Variants in NSMF observed in about 807,000 individuals in gnomAD.
NSMF encodes the protein NMDA receptor synaptonuclear signaling and neuronal migration factor.
Under a neutral mutation model 71.0 loss-of-function variants are expected in NSMF, and 31 were observed. That is an observed-to-expected ratio of 0.44 (90% CI 0.33 to 0.59). The LOEUF is 0.59. Among genes scored for constraint, NSMF ranks in the 20% least tolerant of loss-of-function variants. NSMF has a pLI of 0.04. For synonymous variants in NSMF, 345 were observed against 287.1 expected (o/e 1.20, Z -2.04); for missense variants, 673 against 740.5 (o/e 0.91, Z 1.06).
Position 137,453,042 on chromosome 9 carries a change from G to C in NSMF, c.1047+14C>G, listed in dbSNP as rs375454156. 34 of 1,611,882 alleles carry C rather than the reference G, an allele frequency of 2.1e-5. No individual in the cohort carries two copies. Among genetic ancestry groups the C allele is most frequent in the Non-Finnish European group, 2.5e-5 (30 of 1,179,886 alleles). ...CTCGGGGTGTAGAGGAGCACTGCCC[G>C]GGCTGGGCCTCACCATGACCTTTGG... On this transcript the variant is annotated intron_variant, in intron 9 of 15. Transcript: ENST00000371475. This position sits in a 1 kb window ranked among gnomAD's most constrained non-coding sequence, Gnocchi z 4.5.
At position 137,447,969 on chromosome 9, in the gene NSMF, CTG is replaced by C. The variant is rs1839685761; in HGVS notation, c.*1423_*1424del. On this transcript the variant is annotated 3_prime_UTR_variant, in exon 16 of 16. Coordinates refer to ENST00000371475, the MANE Select transcript of NSMF (RefSeq NM_001130969.3). Reference sequence around the variant, plus strand: ...GCCCTCAGGCGGCAGGGGGAACGGGCTGTCTCTGCTGTCCCCTCCAGACCCGG... The same window carrying C: ...GCCCTCAGGCGGCAGGGGGAACGGGCTCTCTGCTGTCCCCTCCAGACCCGG... 2 of 152,396 alleles carry C rather than the reference CTG, an allele frequency of 1.3e-5. No individual in the cohort carries two copies. The highest frequency in any genetic ancestry group is 3.9e-4 in the East Asian group (2 of 5,172). The allele number at this position is 152,396 out of a possible 1,614,324, so 9.4% of individuals were successfully genotyped here.
intron 1 of NSMF, among the ~76,000 whole-genome samples, 178 bp from the exon 2 acceptor site, chr9:137,458,727 G>T (rs1831003377): frequency 6.6e-6 from 1 of 152,174 alleles, no homozygotes; most frequent in Non-Finnish European, 1.5e-5. Context: ...GGCCAGGCCT[G>T]CAGGCCCGGC....
At position 137,453,722 on chromosome 9, in the gene NSMF, G is replaced by T. The variant is rs1830670059; in HGVS notation, c.922+9C>A. The T allele has an allele frequency of 6.3e-7, 1 of 1,596,520 alleles. No homozygotes were observed. The highest frequency in any genetic ancestry group is 2.2e-5 in the East Asian group (1 of 44,604). ...GGGGAAGGTGGGCGGGCCTGTGCGGGGCACCTACTGTCTCGGGAGTCGTGG... is the reference window on the plus strand; with the variant it reads ...GGGGAAGGTGGGCGGGCCTGTGCGGTGCACCTACTGTCTCGGGAGTCGTGG... On this transcript the variant is annotated intron_variant, in intron 8 of 15. Coordinates refer to ENST00000371475, the MANE Select transcript of NSMF (RefSeq NM_001130969.3). This position sits in a 1 kb window ranked among gnomAD's most constrained non-coding sequence, Gnocchi z 4.5.
In NSMF at chr9:137,457,906, G is replaced by C; in HGVS notation, c.134-5C>G. 1 of 1,541,042 alleles carries C rather than the reference G, an allele frequency of 6.5e-7. No homozygotes were observed. ...AGGCATCAGCCAGCAGGTGATCTAG[G>C]AGAGACACTGAGTGAGCCTGCCTGC... On this transcript the variant is annotated splice_polypyrimidine_tract_variant and splice_region_variant and intron_variant, in intron 2 of 15. Coordinates refer to ENST00000371475, the MANE Select transcript of NSMF (RefSeq NM_001130969.3).
chr9:137,449,489 T>A lies in NSMF; in HGVS notation c.1498A>T (p.Lys500Ter). 6.2e-7 allele frequency: 1 copy of A among 1,612,852 alleles called. No individual in the cohort carries two copies. The highest frequency in any genetic ancestry group is 8.5e-7 in the Non-Finnish European group (1 of 1,179,920). Reference protein sequence around the residue: ...ESPLELSAQGKQMIETYFDFR... With the variant: ...ESPLELSAQG ...TCAAAGTACGTCTCGATCATCTGCT[T>A]CCCTGGGCGGAGCGGGGGCAGGAGG... Residue 500 changes from lysine to a stop codon, truncating the protein, a stop_gained and splice_region_variant, in exon 16 of 16, where the codon AAG becomes TAG. Transcript: ENST00000371475. LOFTEE classifies it high-confidence loss of function.
intron 6 of NSMF, chr9:137,454,681 T>C (rs753979303): frequency 3.2e-5 from 48 of 1,523,662 alleles, no homozygotes; most frequent in Non-Finnish European, 4.0e-5. Context: ...CCTGGCGCTC[T>C]GGATCAAGTC....
At chr9:137,458,150 G>A (rs1588511733) in intron 2 of NSMF, among the ~76,000 whole-genome samples, 1 of 152,204 alleles carries the variant, frequency 6.6e-6, no homozygotes. Flanking sequence ...GGAACACGCA[G>A]GCCATCCCCC....
At chr9:137,457,956 T>G (rs943724311) in intron 2 of NSMF, 55 bp from the exon 3 acceptor site, 7 of 1,534,788 alleles carry the variant, frequency 4.6e-6, no homozygotes, top group Middle Eastern at 1.9e-4. Flanking sequence ...CCGCTGCCGG[T>G]TTCATAGCAG....
intron 2 of NSMF, among the ~76,000 whole-genome samples, chr9:137,458,108 G>T (rs1054530789): frequency 7.9e-5 from 12 of 152,166 alleles, no homozygotes; most frequent in Non-Finnish European, 1.2e-4. Flanking sequence ...GCTGGGTGAC[G>T]CTGTGCTACC....
At position 137,456,327 on chromosome 9, in the gene NSMF, CAG is replaced by C. The variant is rs2132007201; in HGVS notation, c.704+82_704+83del. ...TCAGAAGCAGCCCCCCTGGTAGGCC[CAG>C]AGACTGGGAAAAAGTGCTGTTTCCT... is the stretch of plus-strand genomic sequence containing the variant. On this transcript the variant is annotated intron_variant, in intron 4 of 15. Coordinates refer to ENST00000371475, the MANE Select transcript of NSMF (RefSeq NM_001130969.3). 3.5e-6 allele frequency: 4 copies of C among 1,153,498 alleles called. No homozygotes were observed. In the East Asian group the frequency reaches 7.0e-5, roughly 20 times the overall value. 71.5% of individuals were successfully genotyped at this position (1,153,498 alleles called of 1,614,324 possible).
chr9:137,454,760 CG>C (rs1830748423), intron 6 of NSMF: 1 of 1,434,300 alleles, frequency 7.0e-7, no homozygotes, highest in Admixed American at 2.1e-5. Context: ...TGAGCCTCCA[CG>C]CCCATGTGGC....
In NSMF at chr9:137,452,784, G is replaced by T; in HGVS notation, c.1083C>A (p.Ile361=). The change falls in exon 10 of 16, where the codon ATC becomes ATA. Residue 361 remains isoleucine, a synonymous_variant. Transcript: ENST00000371475. ...GGTCATCCCGGCGGATGATAGTGGG[G>T]ATGTACTCAGCCTTGGGCACCTTGG... ...ISSKVPKAEY[I]PTIIRRDDPS... is the part of the protein sequence containing the mutation. 6.2e-7 allele frequency: 1 copy of T among 1,606,826 alleles called. No individual in the cohort carries two copies. Among genetic ancestry groups the T allele is most frequent in the South Asian group, 1.1e-5 (1 of 90,028 alleles).
At chr9:137,455,120 G>A in intron 6 of NSMF, 119 bp downstream of exon 6, 7 of 1,113,206 alleles carry the variant, frequency 6.3e-6, no homozygotes, top group South Asian at 6.2e-5. Context: ...CCAGAGCAGG[G>A]CCAGGCCAGT....
intron 1 of NSMF, 28 bp from the exon 2 acceptor site, chr9:137,458,577 A>T (rs1172109824): frequency 1.9e-6 from 3 of 1,571,836 alleles, no homozygotes; most frequent in Non-Finnish European, 2.6e-6. Context: ...GCACGGTCAG[A>T]GGCCACGGCA....
At chr9:137,454,873 C>T (rs541488562) in intron 6 of NSMF, 68 of 518,856 alleles carry the variant, frequency 1.3e-4, no homozygotes, top group Middle Eastern at 2.0e-3. Context: ...TGCTCTGTGT[C>T]CTTGAGCCAC....
At chr9:137,456,264 C>T in intron 4 of NSMF, 147 bp downstream of exon 4, 2 of 761,028 alleles carry the variant, frequency 2.6e-6, no homozygotes. Flanking sequence ...CCCTGGCCTC[C>T]CTGGCAGGCC....
chr9:137,456,537 G>GCC (rs1344913624), intron 3 of NSMF, 51 bp from the exon 4 acceptor site: 8 of 1,261,308 alleles, frequency 6.3e-6, no homozygotes, highest in Non-Finnish European at 9.3e-6. Context: ...GGTTCCTGAA[G>GCC]CCTCTCCCTC....
rs1830648442 is a variant in NSMF at position 137,453,429 on chromosome 9, A to C, written c.923-249T>G. On this transcript the variant is annotated intron_variant, in intron 8 of 15. Coordinates refer to ENST00000371475, the MANE Select transcript of NSMF (RefSeq NM_001130969.3). The surrounding 1 kb of genome is among the most constrained non-coding windows in gnomAD (Gnocchi z 4.5). ...GCGCGTGCAGGCATCAGCTCCAGCC[A>C]AGTCCGCCGGGCGCCTGGGAGGGAG... The C allele has an allele frequency of 3.3e-6, 2 of 613,110 alleles. No individual in the cohort carries two copies. The highest frequency in any genetic ancestry group is 5.9e-5 in the Admixed American group (2 of 33,732). 38.0% of individuals were successfully genotyped at this position (613,110 alleles called of 1,614,324 possible).
In NSMF at chr9:137,453,956, G is replaced by A. The variant is rs950682209; in HGVS notation, c.833-136C>T. 5 of 706,366 alleles carry A rather than the reference G, an allele frequency of 7.1e-6. No homozygotes were observed. Among genetic ancestry groups the A allele is most frequent in the African/African-American group, 1.8e-5 (1 of 56,504 alleles). 43.8% of individuals were successfully genotyped at this position (706,366 alleles called of 1,614,324 possible). On this transcript the variant is annotated intron_variant, in intron 7 of 15. Transcript: ENST00000371475. The surrounding 1 kb of genome is among the most constrained non-coding windows in gnomAD (Gnocchi z 4.5). ...GGTGGGGTCTAAGGCACATGAAGCA[G>A]ACACGGACCAGAGGCTCGGTTGGTT...
Sources: allele counts gnomAD v4.1 joint callset (sites outside exome capture counted in the v4.1 genomes callset), GRCh38; gene constraint gnomAD v4.1.1; non-coding constraint Gnocchi (gnomAD v3.1); transcripts MANE v1.5; gene names NCBI Gene and HGNC (gene_info 2026-07-23, HGNC 2026-07-21).